The following SAMD5 variants were observed in gnomAD, a reference collection of about 807,000 sequenced individuals.
SAMD5 encodes the protein sterile alpha motif domain-containing protein 5.
SAMD5 carries 13 observed loss-of-function variants against 11.3 expected under a neutral mutation model. That is an observed-to-expected ratio of 1.15 (90% CI 0.75 to 1.83). The LOEUF is 1.83. Ranked by LOEUF, SAMD5 falls within the 40% of genes most tolerant of loss-of-function variation. SAMD5 has a pLI of 0.00. For synonymous variants in SAMD5, 129 were observed against 111.3 expected, an observed-to-expected ratio of 1.16 and a Z score of -1.00; for missense variants, 255 against 239.1, an observed-to-expected ratio of 1.07 and a Z score of -0.44.
In SAMD5 at chr6:147,724,544, T is replaced by C. The variant is rs534167909; in HGVS notation, c.163-12773T>C. Among the ~76,000 whole-genome samples, 5 of 152,302 alleles carry C rather than the reference T, an allele frequency of 3.3e-5. No individual in the cohort carries two copies. In the East Asian group the frequency reaches 9.7e-4, roughly 29 times the overall value. ...TTATGACAGAAGTACTATTGAACTA[T>C]CTTTCTTGCCAATATTAAAAAGAAG... On this transcript the variant is annotated intron_variant, in intron 1 of 1. Transcript: ENST00000566741.
intron 1 of SAMD5, among the ~76,000 whole-genome samples, chr6:147,584,774 A>C (rs552403410): frequency 1.3e-5 from 2 of 152,212 alleles, no homozygotes; most frequent in Non-Finnish European, 2.9e-5. Context: ...TCAGACCACT[A>C]ATTAGATTAG....
chr6:147,917,438 C>T, the SAMD5 span, among the ~76,000 whole-genome samples: 3 of 151,776 alleles, frequency 2.0e-5, no homozygotes, highest in Non-Finnish European at 2.9e-5. Context: ...TTGGAGTTCA[C>T]TGTAGATTCT....
chr6:147,765,984 GA>G, the SAMD5 span, among the ~76,000 whole-genome samples: 1 of 150,640 alleles, frequency 6.6e-6, no homozygotes, highest in East Asian at 2.0e-4. Flanking sequence ...GAAAACGTAA[GA>G]AAAAAATATC....
chr6:147,742,077 C>T (rs1791887281), downstream of SAMD5, among the ~76,000 whole-genome samples: 1 of 152,142 alleles, frequency 6.6e-6, no homozygotes, highest in Non-Finnish European at 1.5e-5. Context: ...TTATTTTAGT[C>T]AGTGACCATG....
At chr6:147,807,684 T>C in the SAMD5 span, among the ~76,000 whole-genome samples, 32 of 152,224 alleles carry the variant, frequency 2.1e-4, no homozygotes, top group African/African-American at 7.7e-4. Context: ...ATCGTCCTTA[T>C]GTGTAAGATG....
chr6:147,868,076 T>C, the SAMD5 span, among the ~76,000 whole-genome samples: 1 of 152,230 alleles, frequency 6.6e-6, no homozygotes, highest in Admixed American at 6.5e-5. Flanking sequence ...AGATGTTGAC[T>C]GAAGCTAGAA....
intron 1 of SAMD5, among the ~76,000 whole-genome samples, chr6:147,632,614 T>C (rs1248985548): frequency 6.6e-6 from 1 of 152,182 alleles, no homozygotes; most frequent in African/African-American, 2.4e-5. Flanking sequence ...AACAGTAATC[T>C]CAAGTTTTTT....
chr6:147,604,660 T>C (rs1789673223), intron 1 of SAMD5, among the ~76,000 whole-genome samples: 1 of 152,188 alleles, frequency 6.6e-6, no homozygotes, highest in African/African-American at 2.4e-5. Context: ...AAGAATTCTT[T>C]TGATTCTCCA....
At chr6:147,727,195 A>G (rs190214096) in intron 1 of SAMD5, among the ~76,000 whole-genome samples, 28 of 152,252 alleles carry the variant, frequency 1.8e-4, no homozygotes, top group Admixed American at 4.6e-4. Flanking sequence ...AATCATTTCC[A>G]TTTCCTGAAC....
the SAMD5 span, among the ~76,000 whole-genome samples, chr6:147,895,878 A>T: frequency 6.6e-6 from 1 of 152,166 alleles, no homozygotes; most frequent in Non-Finnish European, 1.5e-5. Flanking sequence ...AAGAAACTGG[A>T]CCCGGAAATG....
the SAMD5 span, among the ~76,000 whole-genome samples, chr6:147,804,442 C>G: frequency 6.6e-6 from 1 of 152,202 alleles, no homozygotes; most frequent in Non-Finnish European, 1.5e-5. Context: ...TCTCCCCTCA[C>G]TGGAGCACCT....
intron 1 of SAMD5, among the ~76,000 whole-genome samples, chr6:147,653,770 G>GT (rs1244855132): frequency 1.3e-5 from 2 of 151,982 alleles, no homozygotes; most frequent in Non-Finnish European, 2.9e-5. Flanking sequence ...TTTGTTTTTT[G>GT]TTTTTTCTGT....
At chr6:147,550,254 G>T (rs1455557173) in intron 1 of SAMD5, among the ~76,000 whole-genome samples, 2 of 151,922 alleles carry the variant, frequency 1.3e-5, no homozygotes, top group Non-Finnish European at 2.9e-5. Flanking sequence ...AAACAAAAAG[G>T]TCAAAAAATA....
chr6:147,907,365 T>A, the SAMD5 span, among the ~76,000 whole-genome samples: 1 of 152,206 alleles, frequency 6.6e-6, no homozygotes, highest in African/African-American at 2.4e-5. Context: ...GGACATCAAA[T>A]CTGCACATAC....
intron 1 of SAMD5, among the ~76,000 whole-genome samples, chr6:147,561,724 G>A (rs1201705979): frequency 6.6e-6 from 1 of 152,142 alleles, no homozygotes; most frequent in Admixed American, 6.5e-5. Context: ...GTCTTCAGCA[G>A]TTACCTCCTT....
At chr6:147,697,772 A>G (rs1330836804) in intron 1 of SAMD5, among the ~76,000 whole-genome samples, 1 of 152,190 alleles carries the variant, frequency 6.6e-6, no homozygotes, top group Non-Finnish European at 1.5e-5. Flanking sequence ...GGTGAGTTTC[A>G]GTTCTTCTAT....
At chr6:147,792,336 G>A in the SAMD5 span, among the ~76,000 whole-genome samples, 23 of 152,288 alleles carry the variant, frequency 1.5e-4, no homozygotes, top group South Asian at 4.8e-3. Flanking sequence ...ATAGTGAGTG[G>A]TGGAAGTCAG....
At chr6:147,610,646 G>C (rs1789769643) in intron 1 of SAMD5, among the ~76,000 whole-genome samples, 1 of 152,186 alleles carries the variant, frequency 6.6e-6, no homozygotes, top group South Asian at 2.1e-4. Flanking sequence ...CACACTGACT[G>C]TTTCAGGAGC....
intron 1 of SAMD5, among the ~76,000 whole-genome samples, chr6:147,592,935 C>T (rs564585260): frequency 6.6e-6 from 1 of 152,162 alleles, no homozygotes; most frequent in Admixed American, 6.5e-5. Flanking sequence ...CGCTCCTAGA[C>T]TTTTGGAGCT....
Sources: allele counts gnomAD v4.1 joint callset (sites outside exome capture counted in the v4.1 genomes callset), GRCh38; gene constraint gnomAD v4.1.1; transcripts MANE v1.5; gene names NCBI Gene and HGNC (gene_info 2026-07-23, HGNC 2026-07-21).